OTOGL: variants seen among roughly 807,000 people sequenced by gnomAD.
OTOGL encodes the protein otogelin like.
A neutral mutation model predicts 318.5 loss-of-function variants in OTOGL; 285 were observed. That is an observed-to-expected ratio of 0.89 (90% CI 0.81 to 0.99). OTOGL has a LOEUF of 0.99. Ranked by LOEUF, OTOGL falls within the 50% of genes least tolerant of loss-of-function variation. The pLI is 0.00. For missense variants in OTOGL, 2,899 were observed against 2,845.6 expected (o/e 1.02, Z -0.43); for synonymous variants, 987 against 936.5 (o/e 1.05, Z -0.99).
intron 1 of OTOGL, among the ~76,000 whole-genome samples, chr12:80,205,207 C>G (rs114180533): frequency 0.01 from 1,555 of 152,222 alleles, 29 homozygotes; most frequent in African/African-American, 0.035. Flanking sequence ...CTATATGGTA[C>G]AAGTGCAAAG....
chr12:80,333,365 T>C lies in OTOGL; in HGVS notation c.4422+287T>C, dbSNP rs570499378. ...GATTTATCTGTGAATCAGGCATTCATAAAATATTATTAAGCATCTACTTGA... is the reference window on the plus strand; with the variant it reads ...GATTTATCTGTGAATCAGGCATTCACAAAATATTATTAAGCATCTACTTGA... On this transcript the variant is annotated intron_variant, in intron 38 of 58. Transcript: ENST00000547103. 6.6e-5 allele frequency among the ~76,000 whole-genome samples: 10 copies of C among 151,436 alleles called. 1 individual carries two copies. The South Asian group carries it at 1.7e-3, about 25-fold the overall frequency.
At chr12:80,311,003 T>G (rs1490585393) in intron 30 of OTOGL, among the ~76,000 whole-genome samples, 3 of 152,250 alleles carry the variant, frequency 2.0e-5, no homozygotes, top group African/African-American at 7.2e-5. Flanking sequence ...ACATACATCA[T>G]TTTATGATTA....
intron 1 of OTOGL, among the ~76,000 whole-genome samples, chr12:80,155,928 C>T (rs908320215): frequency 7.2e-5 from 11 of 152,178 alleles, no homozygotes; most frequent in East Asian, 3.9e-4. Context: ...GTTACGTCCA[C>T]GTTGTGGCAA....
At chr12:80,225,577 G>T (rs186349889) in intron 7 of OTOGL, among the ~76,000 whole-genome samples, 1 of 152,094 alleles carries the variant, frequency 6.6e-6, no homozygotes, top group African/African-American at 2.4e-5. Flanking sequence ...AGTTACCATT[G>T]GTTAACAGCT....
chr12:80,360,309 T>C (rs938150194), intron 52 of OTOGL, among the ~76,000 whole-genome samples: 23 of 151,958 alleles, frequency 1.5e-4, no homozygotes, highest in African/African-American at 4.8e-4. Flanking sequence ...ACTTTCTATC[T>C]TTTTTCTGGG....
intron 29 of OTOGL, among the ~76,000 whole-genome samples, chr12:80,308,837 C>T (rs1194251157): frequency 1.3e-5 from 2 of 152,212 alleles, no homozygotes; most frequent in African/African-American, 2.4e-5. Flanking sequence ...TGTGGCGGCG[C>T]GCGCCTGCAA....
At chr12:80,112,848 A>C (rs1869933567) in intron 1 of OTOGL, among the ~76,000 whole-genome samples, 1 of 150,644 alleles carries the variant, frequency 6.6e-6, no homozygotes. Context: ...TCCTCTTTGG[A>C]CCTCTGGTGG....
chr12:80,109,139 T>C (rs1869679108), intron 1 of OTOGL, among the ~76,000 whole-genome samples: 1 of 151,776 alleles, frequency 6.6e-6, no homozygotes, highest in African/African-American at 2.4e-5. Context: ...AACTTTAGAA[T>C]CATTAATTTC....
At chr12:80,283,795 T>A (rs927087110) in intron 26 of OTOGL, among the ~76,000 whole-genome samples, 15 of 152,114 alleles carry the variant, frequency 9.9e-5, no homozygotes, top group African/African-American at 3.1e-4. Context: ...GCAGATCACC[T>A]AGGAATATTG....
rs142843628 is a variant in OTOGL at position 80,370,623 on chromosome 12, T to C, written c.6669T>C (p.Asp2223=). Residue 2223 remains aspartate, a synonymous_variant, in exon 56 of 59, where the codon GAT becomes GAC. Transcript: ENST00000547103. ...CCACATATGAATGTGTTAAAACTGA[T>C]GAAGGAGCAATAATTCTGAACTACA... The part of the protein sequence containing the change: ...NCTTYECVKT[D]EGAIILNYTM... The C allele has an allele frequency of 1.3e-6, 2 of 1,591,080 alleles. No homozygotes were observed. The highest frequency in any genetic ancestry group is 8.6e-7 in the Non-Finnish European group (1 of 1,165,594).
At chr12:80,357,881 A>G (rs1890006468) in intron 49 of OTOGL, among the ~76,000 whole-genome samples, 1 of 152,152 alleles carries the variant, frequency 6.6e-6, no homozygotes, top group African/African-American at 2.4e-5. Flanking sequence ...GCAGCCCAAA[A>G]GAACAAACGC....
At chr12:80,278,894 A>G (rs1185259672) in intron 25 of OTOGL, 134 bp from the exon 26 acceptor site, 4 of 1,007,494 alleles carry the variant, frequency 4.0e-6, no homozygotes, top group East Asian at 2.4e-5. Context: ...TGGTATCAGA[A>G]TGAACTGGCA....
In OTOGL at chr12:80,320,508, T is replaced by C. The variant is rs148064564; in HGVS notation, c.3889T>C (p.Trp1297Arg). The C allele has an allele frequency of 1.6e-4, 261 of 1,613,520 alleles. No homozygotes were observed. Among genetic ancestry groups the C allele is most frequent in the Non-Finnish European group, 2.1e-4 (248 of 1,179,736 alleles). Reference sequence around the variant, plus strand: ...CAATGATACTCTTAGCTTGGAGCTGTGGGAGGCGAATTCAGCCTTTCATCG... The same window carrying C: ...CAATGATACTCTTAGCTTGGAGCTGCGGGAGGCGAATTCAGCCTTTCATCG... ...HDNDTLSLEL[W>R]EANSAFHRRA... Residue 1297 changes from tryptophan (W) to arginine (R), a missense_variant, in exon 34 of 59, where the codon TGG (tryptophan) becomes CGG (arginine). Trp to Arg is a moderately radical substitution (Grantham distance 101). This residue lies in a region of OTOGL where 2,607 missense variants were observed against 2,524.9 expected (regional missense o/e 1.03). Transcript: ENST00000547103.
intron 1 of OTOGL, among the ~76,000 whole-genome samples, chr12:80,194,526 C>G (rs1555275410): frequency 9.9e-5 from 15 of 152,052 alleles, no homozygotes; most frequent in Non-Finnish European, 1.5e-5. Flanking sequence ...ATCCCATAAC[C>G]AAAAACATAA....
chr12:80,124,025 A>G (rs1317794468), intron 1 of OTOGL, among the ~76,000 whole-genome samples: 1 of 152,216 alleles, frequency 6.6e-6, no homozygotes, highest in African/African-American at 2.4e-5. Flanking sequence ...TTCGCTGTGC[A>G]GAAGCTATTT....
chr12:80,131,975 T>G (rs1170461914), intron 1 of OTOGL: 1 of 152,234 alleles, frequency 6.6e-6, no homozygotes, highest in Non-Finnish European at 1.5e-5. Flanking sequence ...AATAAATGTT[T>G]CATGTCCTTC....
At chr12:80,267,936 C>T (rs1883121972) in intron 22 of OTOGL, among the ~76,000 whole-genome samples, 2 of 151,242 alleles carry the variant, frequency 1.3e-5, no homozygotes, top group Admixed American at 6.6e-5. Flanking sequence ...GGGTGAAGTA[C>T]GTGTTTAAAT....
Position 80,213,858 on chromosome 12 carries a change from C to G in OTOGL, c.168+1861C>G, listed in dbSNP as rs139286726. 3.6e-3 allele frequency among the ~76,000 whole-genome samples: 553 copies of G among 152,310 alleles called. 6 individuals carry two copies. The highest frequency in any genetic ancestry group is 0.02 in the Middle Eastern group (6 of 294). On this transcript the variant is annotated intron_variant, in intron 4 of 58. Coordinates refer to ENST00000547103, the MANE Select transcript of OTOGL (RefSeq NM_001378609.3). The stretch of plus-strand genomic sequence containing the variant: ...TTTAGAATTGGAATTTCATGTGTTA[C>G]AAGGCCATTCTTATCCATACATTCA...
chr12:80,275,361 G>T (rs1039829065), intron 24 of OTOGL, among the ~76,000 whole-genome samples: 2 of 151,892 alleles, frequency 1.3e-5, no homozygotes. Context: ...AATAGCAAGA[G>T]AACTAGAATT....
Sources: allele counts gnomAD v4.1 joint callset (sites outside exome capture counted in the v4.1 genomes callset), GRCh38; gene constraint gnomAD v4.1.1; regional missense constraint gnomAD v4.1.1; transcripts MANE v1.5; gene names NCBI Gene and HGNC (gene_info 2026-07-23, HGNC 2026-07-21).